The following SPATA13 variants were observed in gnomAD, a reference collection of about 807,000 sequenced individuals.
The protein encoded by SPATA13 is spermatogenesis associated 13.
SPATA13 carries 50 observed loss-of-function variants against 104.0 expected under a neutral mutation model. That is an observed-to-expected ratio of 0.48 (90% confidence interval 0.38 to 0.61). The LOEUF (loss-of-function observed/expected upper bound fraction) is 0.61. Among genes scored for constraint, SPATA13 ranks in the 20% least tolerant of loss-of-function variants. SPATA13 has a pLI of 0.00. For synonymous variants in SPATA13, 606 were observed against 667.5 expected (o/e 0.91, Z 1.42); for missense variants, 1,524 against 1,690.6 (o/e 0.90, Z 1.73).
chr13:24,042,700 A>G (rs930178120), intron 3 of SPATA13, among the ~76,000 whole-genome samples: 1 of 152,220 alleles, frequency 6.6e-6, no homozygotes, highest in Admixed American at 6.5e-5. Flanking sequence ...GTGCATGCAT[A>G]TAATTGGGAG....
At chr13:24,122,269 A>T in intron 3 of SPATA13, 1 of 1,346,996 alleles carries the variant, frequency 7.4e-7, no homozygotes, top group African/African-American at 1.4e-5. Flanking sequence ...CAGGATTACG[A>T]TTTTGAATAG....
chr13:24,093,648 G>C (rs1384647402), intron 3 of SPATA13, among the ~76,000 whole-genome samples: 2 of 152,228 alleles, frequency 1.3e-5, no homozygotes, highest in Non-Finnish European at 2.9e-5. Context: ...AAAGGAAATA[G>C]AAGCTTGGCT....
chr13:24,171,973 G>T (rs1419719941), intron 1 of SPATA13, among the ~76,000 whole-genome samples: 1 of 152,114 alleles, frequency 6.6e-6, no homozygotes, highest in Non-Finnish European at 1.5e-5. Flanking sequence ...GGGTTACTCA[G>T]ATTCTCCGAA....
At chr13:24,275,589 G>T (rs549338679) in intron 4 of SPATA13, among the ~76,000 whole-genome samples, 1 of 152,310 alleles carries the variant, frequency 6.6e-6, no homozygotes, top group Admixed American at 6.5e-5. Context: ...TTTTAAAACT[G>T]ATTTCAATTT....
Position 24,303,105 on chromosome 13 carries a change from G to T in SPATA13, c.*332G>T, listed in dbSNP as rs1369796009. On this transcript the variant is annotated 3_prime_UTR_variant, in exon 13 of 13. Transcript: ENST00000382108. ...AGCCACCCCTGCTGATGATGAGCAA[G>T]TGCCTGCTGCAGGTCCAAACACAGC... The T allele has an allele frequency of 1.5e-5, 6 of 395,808 alleles. No individual in the cohort carries two copies. Among genetic ancestry groups the T allele is most frequent in the Non-Finnish European group, 2.9e-5 (6 of 206,736 alleles). The allele number at this position is 395,808 out of a possible 1,614,324, so 24.5% of individuals were successfully genotyped here.
chr13:23,990,506 G>C (rs1435467395), intron 2 of SPATA13, among the ~76,000 whole-genome samples: 2 of 152,058 alleles, frequency 1.3e-5, no homozygotes, highest in Non-Finnish European at 2.9e-5. Context: ...TTTCTGGAAT[G>C]TTCTCCCTTG....
chr13:24,278,659 A>C lies in SPATA13; in HGVS notation c.2165-5476A>C. On this transcript the variant is annotated intron_variant, in intron 4 of 12. Transcript: ENST00000382108. Reference sequence around the variant, plus strand: ...TTCCACTTGAGGCTCAAAGCACACCAATAACAAGTACTTGTTCAGAATGTA... The same window carrying C: ...TTCCACTTGAGGCTCAAAGCACACCCATAACAAGTACTTGTTCAGAATGTA... The C allele has an allele frequency of 2.7e-6, 4 of 1,506,062 alleles. No individual in the cohort carries two copies. In the South Asian group the frequency reaches 4.0e-5, roughly 15 times the overall value. 93.3% of individuals were successfully genotyped at this position (1,506,062 alleles called of 1,614,324 possible). A position where few individuals can be genotyped will look rare whatever the true frequency, so the allele number is the denominator to read the frequency against.
chr13:24,304,662 A>T lies in SPATA13; in HGVS notation c.*1889A>T, dbSNP rs2138788117. 6.6e-6 allele frequency: 1 copy of T among 152,312 alleles called. No individual in the cohort carries two copies. The highest frequency in any genetic ancestry group is 6.5e-5 in the Admixed American group (1 of 15,292). The allele number at this position is 152,312 out of a possible 1,614,324, so 9.4% of individuals were successfully genotyped here. On this transcript the variant is annotated 3_prime_UTR_variant, in exon 13 of 13. Coordinates refer to ENST00000382108, the MANE Select transcript of SPATA13 (RefSeq NM_001166271.3). ...AGGTGAACCCTTGGAACATTCTGTG[A>T]CCGCCTGATGTCCATTCTGAGCCAC...
intron 3 of SPATA13, among the ~76,000 whole-genome samples, chr13:24,020,286 A>G (rs1876920052): frequency 6.6e-6 from 1 of 152,238 alleles, no homozygotes; most frequent in Admixed American, 6.5e-5. Flanking sequence ...AGAGTGCTTG[A>G]ACTTCTAACC....
At chr13:24,241,364 C>G (rs1413789090) in intron 2 of SPATA13, among the ~76,000 whole-genome samples, 1 of 152,216 alleles carries the variant, frequency 6.6e-6, no homozygotes, top group Non-Finnish European at 1.5e-5. Context: ...AAGATGGTCC[C>G]TAAAGTAGCA....
At chr13:24,049,127 T>C (rs1238966254) in intron 3 of SPATA13, among the ~76,000 whole-genome samples, 1 of 152,246 alleles carries the variant, frequency 6.6e-6, no homozygotes, top group Non-Finnish European at 1.5e-5. Flanking sequence ...CTAGAACAAG[T>C]GTATTGATTC....
At chr13:24,278,475 A>G (rs936412761) in intron 4 of SPATA13, 1 of 447,092 alleles carries the variant, frequency 2.2e-6, no homozygotes, top group South Asian at 3.8e-5. Context: ...GATGGGTCTT[A>G]TTATGTTGCC....
At chr13:24,176,813 G>A (rs191452875) in intron 1 of SPATA13, among the ~76,000 whole-genome samples, 3 of 152,190 alleles carry the variant, frequency 2.0e-5, no homozygotes, top group African/African-American at 7.2e-5. Context: ...TTTTGAGATG[G>A]TGTCTTGCTG....
At chr13:24,074,821 G>T (rs1295350328) in intron 3 of SPATA13, among the ~76,000 whole-genome samples, 1 of 152,200 alleles carries the variant, frequency 6.6e-6, no homozygotes, top group African/African-American at 2.4e-5. Flanking sequence ...ACTCCATGCT[G>T]CCACGTGGTC....
At chr13:24,022,616 T>C (rs1877034954) in intron 3 of SPATA13, among the ~76,000 whole-genome samples, 1 of 152,198 alleles carries the variant, frequency 6.6e-6, no homozygotes, top group African/African-American at 2.4e-5. Context: ...TTATATGTTT[T>C]CCACCACAAT....
chr13:24,168,285 A>G (rs1338329614), intron 1 of SPATA13, among the ~76,000 whole-genome samples: 2 of 152,216 alleles, frequency 1.3e-5, no homozygotes, highest in Non-Finnish European at 2.9e-5. Flanking sequence ...AATTTCTTTT[A>G]GTGCAGAATC....
intron 2 of SPATA13, among the ~76,000 whole-genome samples, chr13:24,005,145 C>T (rs1224959714): frequency 6.6e-6 from 1 of 152,156 alleles, no homozygotes; most frequent in African/African-American, 2.4e-5. Flanking sequence ...CTCTGAGTCG[C>T]TAGGGGAGAA....
Position 24,114,836 on chromosome 13 carries a change from A to G in SPATA13, c.-112+97135A>G, listed in dbSNP as rs140439693. On this transcript the variant is annotated intron_variant, in intron 3 of 14. Transcript: ENST00000424834. The stretch of plus-strand genomic sequence containing the variant: ...CACCACCACGCCTGGCTAATTTTGT[A>G]TTTTTAGTAGAGTTGGGGTTTCTCC... Among the ~76,000 whole-genome samples, 115 of 152,038 alleles carry G rather than the reference A, an allele frequency of 7.6e-4. 1 individual carries two copies. The highest frequency in any genetic ancestry group is 2.6e-3 in the African/African-American group (108 of 41,464).
At chr13:24,233,927 ACT>A (rs1491231255) in intron 2 of SPATA13, among the ~76,000 whole-genome samples, 3 of 145,136 alleles carry the variant, frequency 2.1e-5, no homozygotes, top group East Asian at 2.0e-4. Context: ...ACACACACAC[ACT>A]GATAAGATTA....
Sources: allele counts gnomAD v4.1 joint callset (sites outside exome capture counted in the v4.1 genomes callset), GRCh38; gene constraint gnomAD v4.1.1; transcripts MANE v1.5; gene names NCBI Gene and HGNC (gene_info 2026-07-23, HGNC 2026-07-21).